PLPP5: variants seen among roughly 807,000 people sequenced by gnomAD.
PLPP5 encodes the protein phospholipid phosphatase 5, also known as diacylglycerol pyrophosphate like 1.
A neutral mutation model predicts 23.6 loss-of-function variants in PLPP5; 29 were observed. That is an observed-to-expected ratio of 1.23 (90% confidence interval 0.92 to 1.68). The LOEUF is 1.68. Ranked by LOEUF, PLPP5 falls within the 40% of genes most tolerant of loss-of-function variation. The pLI is 0.00. For missense variants in PLPP5, 315 were observed against 332.1 expected (o/e 0.95, Z 0.40); for synonymous variants, 143 against 131.3 (o/e 1.09, Z -0.61).
chr8:38,267,829 A>T, intron 4 of PLPP5, 68 bp downstream of exon 4: 1 of 1,476,814 alleles, frequency 6.8e-7, no homozygotes, highest in South Asian at 1.1e-5. Flanking sequence ...GGTGGACACC[A>T]TTAACCTCTC....
At position 38,264,547 on chromosome 8, in the gene PLPP5, T is replaced by C. The variant is rs1243391278; in HGVS notation, c.692A>G (p.Tyr231Cys). ...MTFAYVCYRQ[Y>C]YPPLTDAECH... ...TTCTGCATCAGTCAGAGGAGGATAA[T>C]ACTGCCGATAGCAGACATAGGCAAA... The change falls in exon 7 of 7, where the codon TAT becomes TGT. Residue 231 changes from tyrosine to cysteine, a missense_variant. Coordinates refer to ENST00000424479, the MANE Select transcript of PLPP5 (RefSeq NM_001102559.2). 3.8e-6 allele frequency: 6 copies of C among 1,577,450 alleles called. No homozygotes were observed. Among genetic ancestry groups the C allele is most frequent in the Non-Finnish European group, 5.2e-6 (6 of 1,160,604 alleles).
chr8:38,268,432 C>T lies in PLPP5; in HGVS notation c.213G>A (p.Leu71=). The change falls in exon 3 of 7, where the codon CTG becomes CTA. Residue 71 remains leucine (L), a synonymous_variant. Transcript: ENST00000424479. ...FVIAFLSPLS[L]IFLAKFLKKA... ...TCTTGAGAAATTTGGCCAGGAAGAT[C>T]AGAGACAGTGGAGAGAGAAATGCAA... 2 of 1,576,400 alleles carry T rather than the reference C, an allele frequency of 1.3e-6. No homozygotes were observed. Among genetic ancestry groups the T allele is most frequent in the Non-Finnish European group, 1.7e-6 (2 of 1,160,758 alleles).
chr8:38,264,639 T>A (rs1455564863), intron 6 of PLPP5, 35 bp from the exon 7 acceptor site: 2 of 1,551,650 alleles, frequency 1.3e-6, no homozygotes, highest in Non-Finnish European at 1.7e-6. Context: ...TCTCTTAATA[T>A]TAGGCTCCTA....
Position 38,267,312 on chromosome 8 carries a change from CGTCCT to C in PLPP5, c.413_417del (p.Lys138SerfsTer4), listed in dbSNP as rs1807780845. 1 of 1,613,908 alleles carries C rather than the reference CGTCCT, an allele frequency of 6.2e-7. No individual in the cohort carries two copies. The highest frequency in any genetic ancestry group is 1.3e-5 in the African/African-American group (1 of 74,932). On this transcript the variant is annotated frameshift_variant, in exon 5 of 7. Coordinates refer to ENST00000424479, the MANE Select transcript of PLPP5 (RefSeq NM_001102559.2). LOFTEE classifies it high-confidence loss of function. ...AAGCTCTTTCGGCCCTCATTCACCACGTCCTTATCCCCTGTACACATCAAGTCAGA... is the reference window on the plus strand; with the variant it reads ...AAGCTCTTTCGGCCCTCATTCACCACTATCCCCTGTACACATCAAGTCAGA...
In PLPP5 at chr8:38,268,582, C is replaced by G. The variant is rs554006173; in HGVS notation, c.184-121G>C. 10 of 1,457,488 alleles carry G rather than the reference C, an allele frequency of 6.9e-6. No individual in the cohort carries two copies. The African/African-American group carries it at 1.4e-4, about 21-fold the overall frequency. The allele number at this position is 1,457,488 out of a possible 1,614,324, so 90.3% of individuals were successfully genotyped here. A position where few individuals can be genotyped will look rare whatever the true frequency, so the allele number is the denominator to read the frequency against. On this transcript the variant is annotated intron_variant, in intron 2 of 6. Coordinates refer to ENST00000424479, the MANE Select transcript of PLPP5 (RefSeq NM_001102559.2). ...AGCTAACATAAGGTCTCTGAGTGCG[C>G]GTAACCGGGCGCCAGGCAGCGCCAC...
Position 38,268,907 on chromosome 8 carries a change from T to A in PLPP5, c.158A>T (p.Glu53Val). ...WLYRNPYVEA[E>V]YFPTKPMFVI... ...AAACATCGGCTTGGTGGGGAAATAC[T>A]CCGCCTCCACGTAGGGGTTCCGGTA... is the stretch of plus-strand genomic sequence containing the variant. The change falls in exon 2 of 7, where the codon GAG becomes GTG. Residue 53 changes from glutamate to valine, a missense_variant. Physicochemically the swap from Glu to Val is moderately radical, Grantham distance 121. Coordinates refer to ENST00000424479, the MANE Select transcript of PLPP5 (RefSeq NM_001102559.2). 1 of 1,557,682 alleles carries A rather than the reference T, an allele frequency of 6.4e-7. No individual in the cohort carries two copies. The highest frequency in any genetic ancestry group is 8.6e-7 in the Non-Finnish European group (1 of 1,156,476).
Position 38,266,124 on chromosome 8 carries a change from C to T in PLPP5, c.634+17G>A. 13 of 1,612,608 alleles carry T rather than the reference C, an allele frequency of 8.1e-6. No individual in the cohort carries two copies. Among genetic ancestry groups the T allele is most frequent in the Admixed American group, 1.7e-5 (1 of 59,936 alleles). ...AGTGAAATATGCAAGCTTCCATAGC[C>T]TGAGTACTTTGCTTACCTTGCCAGT... On this transcript the variant is annotated intron_variant, in intron 6 of 6. Coordinates refer to ENST00000424479, the MANE Select transcript of PLPP5 (RefSeq NM_001102559.2).
At chr8:38,265,722 G>A (rs1807488282) in intron 6 of PLPP5, 1 of 153,214 alleles carries the variant, frequency 6.5e-6, no homozygotes, top group African/African-American at 2.4e-5. Flanking sequence ...CGCCAAGCCA[G>A]GTGTTCTGTA....
In PLPP5 at chr8:38,264,151, A is replaced by ATTT; in HGVS notation, c.*290_*292dup. On this transcript the variant is annotated 3_prime_UTR_variant, in exon 7 of 7. Coordinates refer to ENST00000424479, the MANE Select transcript of PLPP5 (RefSeq NM_001102559.2). ...CCTGTTCTCTATTGAGATAGATTCA[A>ATTT]TTTTTTTTTTTTTTGAGATGGGGTC... 3.7e-5 allele frequency: 32 copies of ATTT among 861,930 alleles called. No individual in the cohort carries two copies. The highest frequency in any genetic ancestry group is 2.1e-4 in the East Asian group (2 of 9,756). 53.4% of individuals were successfully genotyped at this position (861,930 alleles called of 1,614,324 possible).
chr8:38,266,455 C>T, intron 5 of PLPP5, 144 bp from the exon 6 acceptor site: 1 of 757,204 alleles, frequency 1.3e-6, no homozygotes, highest in South Asian at 1.9e-5. Flanking sequence ...GGCTGGAGTG[C>T]AGTGGCACCA....
In PLPP5 at chr8:38,267,959, A is replaced by G. The variant is rs1199392846; in HGVS notation, c.276T>C (p.Ala92=). Residue 92 remains alanine, a splice_region_variant and synonymous_variant, in exon 4 of 7, where the codon GCT becomes GCC. Coordinates refer to ENST00000424479, the MANE Select transcript of PLPP5 (RefSeq NM_001102559.2). ...DTRDSRQACL[A]ASLALALNGV... ...CATTCAGAGCCAGGGCAAGGCTGGC[A>G]GCTGCAAAGCAAAGCCATTAGTTGA... The G allele has an allele frequency of 6.2e-7, 1 of 1,614,030 alleles. No homozygotes were observed. The highest frequency in any genetic ancestry group is 1.7e-5 in the Admixed American group (1 of 60,026).
Position 38,266,299 on chromosome 8 carries a change from C to A in PLPP5, c.476G>T (p.Gly159Val), listed in dbSNP as rs1314115513. The change falls in exon 6 of 7, where the codon GGT becomes GTT. Residue 159 changes from glycine to valine, a missense_variant. Transcript: ENST00000424479. ...PSGHSSFAFA[G>V]LAFASFYLAG... ...CAGGTAGAAGGACGCAAAGGCCAGACCAGCAAATGCAACTGGAACAAGAAA... is the reference window on the plus strand; with the variant it reads ...CAGGTAGAAGGACGCAAAGGCCAGAACAGCAAATGCAACTGGAACAAGAAA... The A allele has an allele frequency of 3.7e-6, 6 of 1,612,334 alleles. No homozygotes were observed. The Admixed American group carries it at 5.0e-5, about 14-fold the overall frequency.
In PLPP5 at chr8:38,263,671, A is replaced by G; in HGVS notation, c.*773T>C. The G allele has an allele frequency of 1.0e-6, 1 of 985,402 alleles. No individual in the cohort carries two copies. The highest frequency in any genetic ancestry group is 4.7e-5 in the South Asian group (1 of 21,288). 61.0% of individuals were successfully genotyped at this position (985,402 alleles called of 1,614,324 possible). On this transcript the variant is annotated 3_prime_UTR_variant, in exon 7 of 7. Transcript: ENST00000424479. ...ATTTTCCTATTTAAGGCTTGATGGA[A>G]TTGTCATCAGAGAAGGTAAACAGAA...
At position 38,267,895 on chromosome 8, in the gene PLPP5, A is replaced by ACCT. The variant is rs764911498; in HGVS notation, c.337_338+1dup. 6.2e-7 allele frequency: 1 copy of ACCT among 1,613,864 alleles called. No homozygotes were observed. The highest frequency in any genetic ancestry group is 8.5e-7 in the Non-Finnish European group (1 of 1,179,838). On this transcript the variant is annotated splice_donor_variant, in intron 4 of 6. Coordinates refer to ENST00000424479, the MANE Select transcript of PLPP5 (RefSeq NM_001102559.2). LOFTEE classifies it high-confidence loss of function. ...CTGGGGTGGTTAGCTGTTGTCACTTACCTCCCTACGATCAGTTTTATTGTG... is the reference window on the plus strand; with the variant it reads ...CTGGGGTGGTTAGCTGTTGTCACTTACCTCCTCCCTACGATCAGTTTTATTGTG...
In PLPP5 at chr8:38,264,774, A is replaced by G. The variant is rs1389975041; in HGVS notation, c.635-170T>C. The stretch of plus-strand genomic sequence containing the variant: ...AAATCTTTTTATTCTCAATTTTATC[A>G]TAGTTACAGTATTATCATTGTCAGG... On this transcript the variant is annotated intron_variant, in intron 6 of 6. Transcript: ENST00000424479. 2.0e-6 allele frequency: 3 copies of G among 1,472,292 alleles called. No homozygotes were observed. The African/African-American group carries it at 4.3e-5, about 21-fold the overall frequency. 91.2% of individuals were successfully genotyped at this position (1,472,292 alleles called of 1,614,324 possible).
chr8:38,267,086 T>C (rs1411302769), intron 5 of PLPP5, 181 bp downstream of exon 5: 1 of 1,453,980 alleles, frequency 6.9e-7, no homozygotes, highest in African/African-American at 1.4e-5. Flanking sequence ...CTTTCTGTTC[T>C]GTAATATTTA....
rs754181249 is a variant in PLPP5 at position 38,264,565 on chromosome 8, T to C, written c.674A>G (p.Tyr225Cys). The C allele has an allele frequency of 8.2e-6, 13 of 1,589,436 alleles. No individual in the cohort carries two copies. Among genetic ancestry groups the C allele is most frequent in the Non-Finnish European group, 1.1e-5 (13 of 1,167,268 alleles). ...AGGATAATACTGCCGATAGCAGACATAGGCAAATGTCATTCCAATCATGGA... is the reference window on the plus strand; with the variant it reads ...AGGATAATACTGCCGATAGCAGACACAGGCAAATGTCATTCCAATCATGGA... ...VGSMIGMTFA[Y>C]VCYRQYYPPL... The change falls in exon 7 of 7, where the codon TAT becomes TGT. Residue 225 changes from tyrosine (Y) to cysteine (C), a missense_variant. Physicochemically the swap from Tyr to Cys is radical, Grantham distance 194. Transcript: ENST00000424479.
chr8:38,267,910 G>T lies in PLPP5; in HGVS notation c.325C>A (p.Leu109Met). 6.2e-7 allele frequency: 1 copy of T among 1,614,014 alleles called. No individual in the cohort carries two copies. Among genetic ancestry groups the T allele is most frequent in the South Asian group, 1.1e-5 (1 of 91,076 alleles). The part of the protein sequence containing the change: ...LNGVFTNTIK[L>M]IVGRPRPDFF... Reference sequence around the variant, plus strand: ...GTTGTCACTTACCTCCCTACGATCAGTTTTATTGTGTTGGTAAAGACGCCA... The same window carrying T: ...GTTGTCACTTACCTCCCTACGATCATTTTTATTGTGTTGGTAAAGACGCCA... Residue 109 changes from leucine (L) to methionine (M), a missense_variant, in exon 4 of 7, where the codon CTG (leucine) becomes ATG (methionine). Physicochemically the swap from Leu to Met is conservative, Grantham distance 15. Transcript: ENST00000424479.
In PLPP5 at chr8:38,268,876, A is replaced by G; in HGVS notation, c.183+6T>C. ...GAGGGAGGAAAGACGATCTTTCTCC[A>G]CGCACAAACATCGGCTTGGTGGGGA... On this transcript the variant is annotated splice_donor_region_variant and intron_variant, in intron 2 of 6. Coordinates refer to ENST00000424479, the MANE Select transcript of PLPP5 (RefSeq NM_001102559.2). 1 of 1,549,256 alleles carries G rather than the reference A, an allele frequency of 6.5e-7. No homozygotes were observed. The highest frequency in any genetic ancestry group is 8.7e-7 in the Non-Finnish European group (1 of 1,152,052).
Sources: allele counts gnomAD v4.1 joint callset, GRCh38; gene constraint gnomAD v4.1.1; transcripts MANE v1.5; gene names NCBI Gene and HGNC (gene_info 2026-07-23, HGNC 2026-07-21).